ARHGAP42: variants seen among roughly 807,000 people sequenced by gnomAD.
ARHGAP42 encodes the protein rho GTPase-activating protein 42.
Under a neutral mutation model 125.0 loss-of-function variants are expected in ARHGAP42, and 63 were observed. The observed-to-expected ratio is 0.50, with a 90% CI of 0.41 to 0.62. The LOEUF (loss-of-function observed/expected upper bound fraction) is 0.62, where lower values mean the gene tolerates loss of function less well. Ranked by LOEUF, ARHGAP42 falls within the 20% of genes least tolerant of loss-of-function variation. The pLI is 0.00. For missense variants in ARHGAP42, 766 were observed against 1,024.2 expected, an observed-to-expected ratio of 0.75 and a Z score of 3.44; for synonymous variants, 339 against 351.0, an observed-to-expected ratio of 0.97 and a Z score of 0.38.
intron 3 of ARHGAP42, among the ~76,000 whole-genome samples, chr11:100,813,148 A>T (rs1864186118): frequency 6.6e-6 from 1 of 151,856 alleles, no homozygotes; most frequent in Admixed American, 6.7e-5. Context: ...GGAGGCGGCA[A>T]TGATGTGTCA....
rs1050637881 is a variant in ARHGAP42, at chr11:100,917,031, G to C, written c.486+3478G>C. Among the ~76,000 whole-genome samples the C allele has an allele frequency of 8.7e-3, 1,309 of 150,928 alleles. 20 individuals are homozygous for C. The highest frequency in any genetic ancestry group is 0.03 in the African/African-American group (1,221 of 41,160). On this transcript the variant is annotated intron_variant, in intron 5 of 23. Transcript: ENST00000298815. ...AAAATAAGTTTGTGTGTGTGTGTGT[G>C]TGTGTGTGTGTGTGTGTGTGTTACA...
chr11:100,878,861 C>T (rs536013580), intron 4 of ARHGAP42, among the ~76,000 whole-genome samples: 1 of 151,992 alleles, frequency 6.6e-6, no homozygotes, highest in African/African-American at 2.4e-5. Context: ...CACAAGGAAA[C>T]AAGCTTATTC....
chr11:100,764,913 C>A (rs1322254152), intron 1 of ARHGAP42, among the ~76,000 whole-genome samples: 1 of 152,032 alleles, frequency 6.6e-6, no homozygotes, highest in Non-Finnish European at 1.5e-5. Flanking sequence ...CAGAGAATCC[C>A]AACATAATGG....
intron 1 of ARHGAP42, among the ~76,000 whole-genome samples, chr11:100,705,922 C>A (rs1861475536): frequency 6.6e-6 from 1 of 151,244 alleles, no homozygotes; most frequent in African/African-American, 2.4e-5. Flanking sequence ...GCTTAGTTTC[C>A]TGAATGTGCC....
chr11:100,798,304 G>A (rs1863768619), intron 3 of ARHGAP42, among the ~76,000 whole-genome samples: 1 of 152,194 alleles, frequency 6.6e-6, no homozygotes, highest in African/African-American at 2.4e-5. Context: ...CTATCAAACT[G>A]TAATTCATGC....
chr11:100,823,441 A>T (rs1864446887), intron 3 of ARHGAP42, among the ~76,000 whole-genome samples: 1 of 152,092 alleles, frequency 6.6e-6, no homozygotes, highest in Non-Finnish European at 1.5e-5. Flanking sequence ...GGTAGAAATC[A>T]TGTGACATAG....
At chr11:100,868,433 A>G (rs1204703014) in intron 4 of ARHGAP42, among the ~76,000 whole-genome samples, 1 of 152,178 alleles carries the variant, frequency 6.6e-6, no homozygotes, top group Admixed American at 6.5e-5. Flanking sequence ...TTACTTGTAA[A>G]CTTACTTAAT....
chr11:100,710,160 T>G (rs1402759836), intron 1 of ARHGAP42, among the ~76,000 whole-genome samples: 3 of 152,208 alleles, frequency 2.0e-5, no homozygotes, highest in South Asian at 4.1e-4. Flanking sequence ...TTCTAAATTA[T>G]TAAGTTTATT....
Position 100,913,523 on chromosome 11 carries a change from C to T in ARHGAP42, c.456C>T (p.Ser152=), listed in dbSNP as rs753494548. The T allele has an allele frequency of 6.3e-5, 82 of 1,292,886 alleles. 1 individual carries two copies. Among genetic ancestry groups the T allele is most frequent in the Admixed American group, 7.2e-5 (3 of 41,440 alleles). The allele number at this position is 1,292,886 out of a possible 1,614,324, so 80.1% of individuals were successfully genotyped here. A position where few individuals can be genotyped will look rare whatever the true frequency, so the allele number is the denominator to read the frequency against. ...TCCTTGAAAAGCATTTAAATTTGTC[C>T]GCAAAGAAAAAGGAGTCTCATTTAC... ...YSILEKHLNL[S]AKKKESHLQE... The change falls in exon 5 of 24, where the codon TCC becomes TCT. Residue 152 remains serine (S), a synonymous_variant. Transcript: ENST00000298815.
chr11:100,895,716 C>G (rs1866337995), intron 4 of ARHGAP42, among the ~76,000 whole-genome samples: 1 of 151,994 alleles, frequency 6.6e-6, no homozygotes, highest in Non-Finnish European at 1.5e-5. Context: ...TAGTCACATG[C>G]ACACATCTCA....
chr11:100,852,003 A>G (rs137873254), intron 3 of ARHGAP42, among the ~76,000 whole-genome samples: 5 of 152,268 alleles, frequency 3.3e-5, no homozygotes, highest in Admixed American at 6.5e-5. Flanking sequence ...GTGAGCCACT[A>G]TGAGCCTGCT....
At chr11:100,705,015 A>ACAACAAC (rs57168463) in intron 1 of ARHGAP42, among the ~76,000 whole-genome samples, 126 of 121,178 alleles carry the variant, frequency 1.0e-3, no homozygotes, top group Admixed American at 2.6e-3. Flanking sequence ...AACAACAACA[A>ACAACAAC]AAAAAAAAAA....
intron 1 of ARHGAP42, among the ~76,000 whole-genome samples, chr11:100,697,268 C>T (rs1233788993): frequency 1.3e-5 from 2 of 151,956 alleles, no homozygotes; most frequent in African/African-American, 4.8e-5. Flanking sequence ...CTGCAAGCTC[C>T]GCCTCCCAGG....
At chr11:100,738,535 C>T (rs576861135) in intron 1 of ARHGAP42, 1 of 152,282 alleles carries the variant, frequency 6.6e-6, no homozygotes, top group East Asian at 1.9e-4. Flanking sequence ...TATTTTTTCT[C>T]ATTTTGCAAT....
intron 17 of ARHGAP42, 139 bp from the exon 18 acceptor site, chr11:100,973,036 A>G (rs1318167408): frequency 1.5e-6 from 1 of 673,036 alleles, no homozygotes; most frequent in Non-Finnish European, 2.4e-6. Context: ...CCAAATGCCA[A>G]TTGGAAGTGG....
At chr11:100,794,075 C>CAAAAAAAAAAAAAAAAAAAAA (rs869272420) in intron 2 of ARHGAP42, among the ~76,000 whole-genome samples, 3 of 44,862 alleles carry the variant, frequency 6.7e-5, no homozygotes, top group African/African-American at 1.4e-4. Context: ...GACCCTGTCT[C>CAAAAAAAAAAAAAAAAAAAAA]AAAAAAAAAA....
intron 2 of ARHGAP42, among the ~76,000 whole-genome samples, chr11:100,771,846 C>T (rs7112228): frequency 0.26 from 39,258 of 151,870 alleles, 5,311 homozygotes; most frequent in Non-Finnish European, 0.29. Flanking sequence ...GTGATCCACC[C>T]GCCTTGGCCT....
chr11:100,801,597 T>G (rs1192467786), intron 3 of ARHGAP42, among the ~76,000 whole-genome samples: 2 of 152,358 alleles, frequency 1.3e-5, no homozygotes, highest in South Asian at 2.1e-4. Context: ...TTGAGGATTT[T>G]TTTTGTTTTG....
rs1253781943 is a variant in ARHGAP42, at chr11:100,921,202, AATATATATATACATATATATATAT to A, written c.487-280_487-257del. Among the ~76,000 whole-genome samples the A allele has an allele frequency of 2.3e-3, 89 of 39,260 alleles. 1 individual carries two copies. The highest frequency in any genetic ancestry group is 8.0e-3 in the African/African-American group (76 of 9,514). The allele number at this position is 39,260 out of a possible 152,430, so 25.8% of individuals were successfully genotyped here. On this transcript the variant is annotated intron_variant, in intron 5 of 23. Coordinates refer to ENST00000298815, the MANE Select transcript of ARHGAP42 (RefSeq NM_152432.4). Reference sequence around the variant, plus strand: ...ATTTACATTTATATACCCCTCTTGTAATATATATATACATATATATATATATATATATATATATATATATTTTTT... The same window carrying A: ...ATTTACATTTATATACCCCTCTTGTAATATATATATATATATATATTTTTT...
Sources: gnomAD v4.1 joint callset for allele counts (sites outside exome capture counted in the v4.1 genomes callset) on GRCh38, gnomAD v4.1.1 for gene constraint, MANE v1.5 for transcripts, NCBI Gene and HGNC (gene_info 2026-07-23, HGNC 2026-07-21) for gene names.